ZDHHC7: variants seen among roughly 807,000 people sequenced by gnomAD.
The protein encoded by ZDHHC7 is palmitoyltransferase ZDHHC7.
ZDHHC7 carries 12 observed loss-of-function variants against 34.1 expected under a neutral mutation model. That is an observed-to-expected ratio of 0.35 (90% CI 0.23 to 0.57). The LOEUF is 0.57. Ranked by LOEUF, ZDHHC7 falls within the 20% of genes least tolerant of loss-of-function variation. The probability of loss-of-function intolerance (pLI) is 0.84; values close to 1 mark genes in which losing one functional copy is unlikely to be tolerated. For synonymous variants in ZDHHC7, 185 were observed against 155.4 expected, an observed-to-expected ratio of 1.19 and a Z score of -1.42; for missense variants, 388 against 402.7, an observed-to-expected ratio of 0.96 and a Z score of 0.31.
intron 1 of ZDHHC7, among the ~76,000 whole-genome samples, chr16:85,010,325 G>A (rs2072773874): frequency 1.3e-5 from 2 of 152,046 alleles, no homozygotes; most frequent in Non-Finnish European, 2.9e-5. Context: ...CACCGCGTGC[G>A]TACCAGGCCA....
intron 2 of ZDHHC7, among the ~76,000 whole-genome samples, chr16:84,992,982 T>C (rs912047085): frequency 3.3e-5 from 5 of 152,148 alleles, no homozygotes; most frequent in African/African-American, 1.2e-4. Flanking sequence ...CAAAATGAAA[T>C]TGTTTTCCAA....
chr16:84,981,745 G>A (rs542730554), intron 4 of ZDHHC7, 125 bp downstream of exon 4: 41 of 1,558,164 alleles, frequency 2.6e-5, no homozygotes, highest in East Asian at 1.1e-4. Context: ...GGCCCCGCCC[G>A]TACAACGTTG....
the ZDHHC7 span, among the ~76,000 whole-genome samples, chr16:85,018,780 C>G: frequency 6.6e-6 from 1 of 151,988 alleles, no homozygotes; most frequent in African/African-American, 2.4e-5. Flanking sequence ...TAGATGCTGG[C>G]AGGGAGAGAG....
chr16:85,024,435 G>T, the ZDHHC7 span, among the ~76,000 whole-genome samples: 1 of 152,094 alleles, frequency 6.6e-6, no homozygotes, highest in Non-Finnish European at 1.5e-5. Context: ...GTTTCACCAT[G>T]TTGGCCAGGC....
chr16:85,008,227 A>G (rs1213972837), intron 1 of ZDHHC7, among the ~76,000 whole-genome samples: 2 of 152,062 alleles, frequency 1.3e-5, no homozygotes, highest in Non-Finnish European at 2.9e-5. Flanking sequence ...TCTTCGTCAC[A>G]GGGTATCAGT....
intron 1 of ZDHHC7, among the ~76,000 whole-genome samples, chr16:85,006,034 A>T (rs1030634968): frequency 6.6e-6 from 1 of 152,142 alleles, no homozygotes; most frequent in African/African-American, 2.4e-5. Context: ...CTAGATTCCA[A>T]TGACTCTCCA....
At chr16:85,013,032 T>C (rs2072814545), upstream of ZDHHC7, among the ~76,000 whole-genome samples, 1 of 152,202 alleles carries the variant, frequency 6.6e-6, no homozygotes, top group Admixed American at 6.5e-5. Context: ...TTATCCTCCC[T>C]TTTCTGCCTA....
At chr16:85,006,939 C>G (rs535127296) in intron 1 of ZDHHC7, among the ~76,000 whole-genome samples, 1 of 150,872 alleles carries the variant, frequency 6.6e-6, no homozygotes, top group Non-Finnish European at 1.5e-5. Context: ...AATTAGAATT[C>G]TTTCTCTGCC....
chr16:84,996,660 T>G (rs912664951), intron 1 of ZDHHC7, among the ~76,000 whole-genome samples: 1 of 152,046 alleles, frequency 6.6e-6, no homozygotes, highest in Non-Finnish European at 1.5e-5. Context: ...CAGACCTCCC[T>G]AAGTCAGGGG....
At chr16:85,027,579 C>T in the ZDHHC7 span, among the ~76,000 whole-genome samples, 1 of 152,224 alleles carries the variant, frequency 6.6e-6, no homozygotes. Flanking sequence ...CAAGGGGGCG[C>T]CGGGCGTACC....
chr16:84,978,862 CAAA>C (rs200114312), intron 5 of ZDHHC7, among the ~76,000 whole-genome samples: 2 of 107,454 alleles, frequency 1.9e-5, no homozygotes, highest in African/African-American at 3.6e-5. Context: ...AACTCCATCT[CAAA>C]AAAAAAAAAA....
upstream of ZDHHC7, among the ~76,000 whole-genome samples, chr16:85,015,779 G>T (rs1386391267): frequency 6.6e-6 from 1 of 151,712 alleles, no homozygotes; most frequent in Non-Finnish European, 1.5e-5. Context: ...CCAGGAAGTT[G>T]AGGCTGATCA....
the ZDHHC7 span, among the ~76,000 whole-genome samples, chr16:85,020,729 C>T: frequency 1.3e-5 from 2 of 152,020 alleles, no homozygotes; most frequent in African/African-American, 4.8e-5. Flanking sequence ...CATGCTGGGC[C>T]CTAGCAACAG....
At chr16:85,022,846 G>T in the ZDHHC7 span, among the ~76,000 whole-genome samples, 1 of 152,158 alleles carries the variant, frequency 6.6e-6, no homozygotes, top group Non-Finnish European at 1.5e-5. Context: ...TGTGTTACCT[G>T]CCTCTAATAA....
chr16:85,014,160 T>C (rs969334732), upstream of ZDHHC7, among the ~76,000 whole-genome samples: 3 of 152,248 alleles, frequency 2.0e-5, no homozygotes, highest in Non-Finnish European at 4.4e-5. Context: ...CCCCACACTT[T>C]TGTCAACCCA....
At chr16:85,023,504 G>C in the ZDHHC7 span, among the ~76,000 whole-genome samples, 215 of 152,176 alleles carry the variant, frequency 1.4e-3, 2 homozygotes, top group African/African-American at 4.9e-3. Context: ...GTGGTGATTT[G>C]TTACAAACAA....
chr16:85,006,849 C>T (rs2072723480), intron 1 of ZDHHC7, among the ~76,000 whole-genome samples: 1 of 152,172 alleles, frequency 6.6e-6, no homozygotes, highest in Non-Finnish European at 1.5e-5. Flanking sequence ...CAACATTCCC[C>T]ACTCTCTTCC....
At position 84,977,215 on chromosome 16, in the gene ZDHHC7, A is replaced by C. The variant is rs1325055102; in HGVS notation, c.630T>G (p.Asp210Glu). 1.9e-6 allele frequency: 3 copies of C among 1,614,174 alleles called. No individual in the cohort carries two copies. The Admixed American group carries it at 5.0e-5, about 27-fold the overall frequency. The change falls in exon 7 of 8, where the codon GAT becomes GAG. Residue 210 changes from aspartate to glutamate, a missense_variant. Coordinates refer to ENST00000313732, the MANE Select transcript of ZDHHC7 (RefSeq NM_017740.3). ...GGATTACAGTTATCGGAGGTGAAAAATCACTGCATTCTGCGGACAAGAGGA... is the reference window on the plus strand; with the variant it reads ...GGATTACAGTTATCGGAGGTGAAAACTCACTGCATTCTGCGGACAAGAGGA... ...CVRGQWTECS[D>E]FSPPITVILL...
chr16:85,010,691 A>T (rs1023875499), intron 1 of ZDHHC7, among the ~76,000 whole-genome samples: 6 of 152,040 alleles, frequency 3.9e-5, no homozygotes, highest in African/African-American at 1.5e-4. Flanking sequence ...TATCTAACTG[A>T]GTGTGACAAA....
Sources: allele counts gnomAD v4.1 joint callset (sites outside exome capture counted in the v4.1 genomes callset), GRCh38; gene constraint gnomAD v4.1.1; transcripts MANE v1.5; gene names NCBI Gene and HGNC (gene_info 2026-07-23, HGNC 2026-07-21).